The following POLR1A variants were observed in gnomAD, a reference collection of about 807,000 sequenced individuals.
POLR1A encodes RNA polymerase I subunit A, also known as DNA-directed RNA polymerase I subunit RPA1.
POLR1A carries 84 observed loss-of-function variants against 205.3 expected under a neutral mutation model. The observed-to-expected ratio is 0.41, with a 90% confidence interval of 0.34 to 0.49. The LOEUF (loss-of-function observed/expected upper bound fraction) is 0.49. POLR1A is among the 20% of genes least tolerant of loss of function. The pLI is 0.22. For synonymous variants in POLR1A, 799 were observed against 863.7 expected, an observed-to-expected ratio of 0.93 and a Z score of 1.31; for missense variants, 1,645 against 2,204.5, an observed-to-expected ratio of 0.75 and a Z score of 5.08.
rs144374237 is a variant in POLR1A, at chr2:86,096,562, A to G, written c.432+2049T>C. On this transcript the variant is annotated intron_variant, in intron 3 of 33. Coordinates refer to ENST00000263857, the MANE Select transcript of POLR1A (RefSeq NM_015425.6). The stretch of plus-strand genomic sequence containing the variant: ...GCTGTAGTAACCAAAACAGTAGGAT[A>G]CTGGCATGAAAACAGAAACAAAGGC... 3.3e-5 allele frequency among the ~76,000 whole-genome samples: 5 copies of G among 152,350 alleles called. No individual in the cohort carries two copies. In the East Asian group the frequency reaches 5.8e-4, roughly 18 times the overall value.
intron 18 of POLR1A, 144 bp from the exon 19 acceptor site, chr2:86,047,407 A>G (rs1465424483): frequency 4.9e-6 from 3 of 615,130 alleles, no homozygotes; most frequent in Non-Finnish European, 8.8e-6. Flanking sequence ...GGTAAGAGAA[A>G]GCCTCATTCA....
chr2:86,033,701 T>C lies in POLR1A; in HGVS notation c.4121A>G (p.Gln1374Arg). 1.2e-6 allele frequency: 2 copies of C among 1,614,030 alleles called. No homozygotes were observed. Among genetic ancestry groups the C allele is most frequent in the Non-Finnish European group, 1.7e-6 (2 of 1,180,022 alleles). ...FRNVNTRRAT[Q>R]RDLDNAGELG... ...CTCCCCAGCGTTGTCCAGATCCCGC[T>C]GTGTAGCTCTTCGAGTGTTTACGTT... is the stretch of plus-strand genomic sequence containing the variant. The change falls in exon 28 of 34, where the codon CAG (glutamine) becomes CGG (arginine). Residue 1374 changes from glutamine (Q) to arginine (R), a missense_variant. This residue lies in a region of POLR1A where 394 missense variants were observed against 468.5 expected (regional missense o/e 0.84). Coordinates refer to ENST00000263857, the MANE Select transcript of POLR1A (RefSeq NM_015425.6).
At chr2:86,067,206 CT>C in intron 13 of POLR1A, among the ~76,000 whole-genome samples, 1 of 152,304 alleles carries the variant, frequency 6.6e-6, no homozygotes, top group East Asian at 1.9e-4. Context: ...CTAACTCCTG[CT>C]TAGGATCAGA....
intron 3 of POLR1A, among the ~76,000 whole-genome samples, chr2:86,090,856 G>A (rs2104429865): frequency 6.6e-6 from 1 of 152,336 alleles, no homozygotes; most frequent in East Asian, 1.9e-4. Context: ...TGAGGCAGGG[G>A]CTCGCTTGAG....
intron 6 of POLR1A, among the ~76,000 whole-genome samples, chr2:86,087,881 A>G (rs951363187): frequency 1.6e-4 from 25 of 152,208 alleles, no homozygotes; most frequent in African/African-American, 5.1e-4. Context: ...TGATGACATA[A>G]TAAGAAATGA....
At chr2:86,105,075 A>G (rs1673898464) in intron 1 of POLR1A, among the ~76,000 whole-genome samples, 1 of 152,118 alleles carries the variant, frequency 6.6e-6, no homozygotes, top group Admixed American at 6.5e-5. Flanking sequence ...TGGATGCTCA[A>G]TAAATGTTTG....
rs1672261567 is a variant in POLR1A at position 86,026,746 on chromosome 2, G to C, written c.*677C>G. 6.5e-6 allele frequency: 1 copy of C among 153,032 alleles called. No individual in the cohort carries two copies. Among genetic ancestry groups the C allele is most frequent in the Non-Finnish European group, 1.5e-5 (1 of 68,644 alleles). The allele number at this position is 153,032 out of a possible 1,614,324, so 9.5% of individuals were successfully genotyped here. On this transcript the variant is annotated 3_prime_UTR_variant, in exon 34 of 34. Coordinates refer to ENST00000263857, the MANE Select transcript of POLR1A (RefSeq NM_015425.6). Reference sequence around the variant, plus strand: ...CTGGAGCGACTGCTCCCAGCCTTGGGGCTGATGTGGTCTAGAAGGACACCT... The same window carrying C: ...CTGGAGCGACTGCTCCCAGCCTTGGCGCTGATGTGGTCTAGAAGGACACCT...
At chr2:86,081,023 A>G (rs959952240) in intron 8 of POLR1A, 45 bp from the exon 9 acceptor site, 2 of 1,553,756 alleles carry the variant, frequency 1.3e-6, no homozygotes, top group African/African-American at 2.7e-5. Context: ...GTGTGAGGAA[A>G]GGGTCATGTT....
At chr2:86,077,811 G>GCA (rs56874564) in intron 11 of POLR1A, 48 bp downstream of exon 11, 485 of 186,666 alleles carry the variant, frequency 2.6e-3, no homozygotes, top group South Asian at 0.016. Context: ...ACGCGCGCGC[G>GCA]CACACACACA....
In POLR1A at chr2:86,033,644, C is replaced by T. The variant is rs560749685; in HGVS notation, c.4161+17G>A. The T allele has an allele frequency of 6.8e-6, 11 of 1,611,888 alleles. No individual in the cohort carries two copies. The highest frequency in any genetic ancestry group is 9.3e-6 in the Non-Finnish European group (11 of 1,179,318). On this transcript the variant is annotated intron_variant, in intron 28 of 33. Transcript: ENST00000263857. The stretch of plus-strand genomic sequence containing the variant: ...CTGTCCCTGTGCAACTCTAGTGACC[C>T]CCGGGGACTCACTCACCCGACTCCT...
chr2:86,091,494 G>C (rs2104430309), intron 3 of POLR1A, among the ~76,000 whole-genome samples: 1 of 152,236 alleles, frequency 6.6e-6, no homozygotes, highest in Middle Eastern at 3.4e-3. Flanking sequence ...AGGGAAAGGA[G>C]GGAGGGTTTT....
At chr2:86,044,694 G>A (rs1672679976) in intron 21 of POLR1A, among the ~76,000 whole-genome samples, 1 of 152,222 alleles carries the variant, frequency 6.6e-6, no homozygotes, top group African/African-American at 2.4e-5. Flanking sequence ...AGCTGTCAAG[G>A]ATTCTCAAAC....
Position 86,028,210 on chromosome 2 carries a change from C to T in POLR1A, c.4898-161G>A, listed in dbSNP as rs868225337. ...CTGCTCACGCTACTTAACCCTTCCC[C>T]GTGGTCTGGGGCATCTTTCCCTGAC... is the stretch of plus-strand genomic sequence containing the variant. On this transcript the variant is annotated intron_variant, in intron 32 of 33. Transcript: ENST00000263857. This position sits in a 1 kb window ranked among gnomAD's most constrained non-coding sequence, Gnocchi z 4.5. Among the ~76,000 whole-genome samples, 3 of 152,190 alleles carry T rather than the reference C, an allele frequency of 2.0e-5. No homozygotes were observed. Among genetic ancestry groups the T allele is most frequent in the South Asian group, 4.1e-4 (2 of 4,822 alleles).
At chr2:86,074,944 G>T in intron 12 of POLR1A, 86 bp downstream of exon 12, 2 of 906,652 alleles carry the variant, frequency 2.2e-6, no homozygotes, top group Admixed American at 2.3e-5. Flanking sequence ...GTGTCAGTGC[G>T]CACCGGAGCC....
chr2:86,042,175 C>T, intron 23 of POLR1A, 72 bp from the exon 24 acceptor site: 1 of 1,067,854 alleles, frequency 9.4e-7, no homozygotes, highest in Non-Finnish European at 1.5e-6. Flanking sequence ...AAAGCATTGG[C>T]TTCCAATGAG....
chr2:86,050,194 G>T (rs1473726817), intron 16 of POLR1A, among the ~76,000 whole-genome samples: 1 of 152,178 alleles, frequency 6.6e-6, no homozygotes, highest in Non-Finnish European at 1.5e-5. Flanking sequence ...GGGATTGCAG[G>T]AGTGAGCCAC....
intron 25 of POLR1A, chr2:86,040,102 G>A (rs1048412812): frequency 2.0e-5 from 6 of 296,312 alleles, no homozygotes; most frequent in Non-Finnish European, 3.1e-5. Flanking sequence ...AACAATGTAC[G>A]TTCCTGAGTC....
At position 86,040,507 on chromosome 2, in the gene POLR1A, C is replaced by T; in HGVS notation, c.3625G>A (p.Glu1209Lys). ...KWQRSLCEPG[E>K]AVGLLAAQSI... ...TGGGCAGCCAGCAGGCCCACAGCCT[C>T]GCCCGGCTCACACAGTGAGCGCTGC... is the stretch of plus-strand genomic sequence containing the variant. Residue 1209 changes from glutamate (E) to lysine (K), a missense_variant, in exon 25 of 34, where the codon GAG becomes AAG. Glu to Lys is a moderately conservative substitution (Grantham distance 56). Around this residue, in one of 16 missense-constraint regions of POLR1A, gnomAD observed 201 missense variants for 222.3 expected, o/e 0.90. Coordinates refer to ENST00000263857, the MANE Select transcript of POLR1A (RefSeq NM_015425.6). The T allele has an allele frequency of 1.9e-6, 3 of 1,611,090 alleles. No homozygotes were observed. Among genetic ancestry groups the T allele is most frequent in the South Asian group, 1.1e-5 (1 of 90,854 alleles).
At chr2:86,099,115 CACTTGAGGCCAGTT>C (rs1436377040) in intron 2 of POLR1A, among the ~76,000 whole-genome samples, 2 of 152,096 alleles carry the variant, frequency 1.3e-5, no homozygotes, top group Non-Finnish European at 2.9e-5. Flanking sequence ...GTGGGCAGAT[CACTTGAGGCCAGTT>C]ACTTGAGGCC....
Sources: allele counts gnomAD v4.1 joint callset (sites outside exome capture counted in the v4.1 genomes callset), GRCh38; gene constraint gnomAD v4.1.1; regional missense constraint gnomAD v4.1.1; non-coding constraint Gnocchi (gnomAD v3.1); transcripts MANE v1.5; gene names NCBI Gene and HGNC (gene_info 2026-07-23, HGNC 2026-07-21).